Variants in PRELID2 observed in about 807,000 individuals in gnomAD.
The protein encoded by PRELID2 is PRELI domain-containing protein 2.
In PRELID2, 25 loss-of-function variants were observed where a neutral mutation model predicts 28.4. The ratio of observed to expected loss-of-function variants is 0.88; its 90% CI spans 0.64 to 1.23. The LOEUF (loss-of-function observed/expected upper bound fraction) is 1.23, where lower values mean the gene tolerates loss of function less well. Ranked by LOEUF, PRELID2 falls within the 50% of genes most tolerant of loss-of-function variation. The pLI, the probability that PRELID2 is intolerant of heterozygous loss-of-function variation, is 0.00. For synonymous variants in PRELID2, 76 were observed against 71.6 expected (o/e 1.06, Z -0.31); for missense variants, 201 against 214.4 (o/e 0.94, Z 0.39).
the PRELID2 span, among the ~76,000 whole-genome samples, chr5:145,431,196 T>A: frequency 6.6e-6 from 1 of 152,012 alleles, no homozygotes; most frequent in Non-Finnish European, 1.5e-5. Context: ...AATTTCTTTT[T>A]TATCCACTCC....
the PRELID2 span, among the ~76,000 whole-genome samples, chr5:145,426,043 A>T: frequency 6.6e-6 from 1 of 152,012 alleles, no homozygotes; most frequent in Non-Finnish European, 1.5e-5. Context: ...TCTGAATTAA[A>T]CGTGGTGATT....
At chr5:145,426,788 T>G in the PRELID2 span, among the ~76,000 whole-genome samples, 1 of 152,264 alleles carries the variant, frequency 6.6e-6, no homozygotes, top group East Asian at 1.9e-4. Context: ...GAGCTGCAAG[T>G]CCACTGTACC....
At chr5:145,780,594 T>C (rs545035195) in intron 5 of PRELID2, among the ~76,000 whole-genome samples, 2 of 152,294 alleles carry the variant, frequency 1.3e-5, no homozygotes, top group Non-Finnish European at 2.9e-5. Context: ...ATTTAAAACA[T>C]TGTTAAATAA....
At chr5:145,730,903 T>A (rs1041810636) in intron 1 of PRELID2, among the ~76,000 whole-genome samples, 1 of 151,710 alleles carries the variant, frequency 6.6e-6, no homozygotes, top group African/African-American at 2.4e-5. Flanking sequence ...CAAGGCAAAC[T>A]CCCCTCCACC....
At chr5:145,640,125 G>C (rs905720885) in intron 1 of PRELID2, among the ~76,000 whole-genome samples, 2 of 152,114 alleles carry the variant, frequency 1.3e-5, no homozygotes, top group African/African-American at 4.8e-5. Flanking sequence ...AAGATGAAGA[G>C]AGCTGTGATG....
chr5:145,687,980 A>G (rs1755068719), intron 1 of PRELID2, among the ~76,000 whole-genome samples: 1 of 152,226 alleles, frequency 6.6e-6, no homozygotes, highest in Admixed American at 6.5e-5. Context: ...TCTTCATTGC[A>G]TGGTGCAGCC....
chr5:145,467,092 T>C (rs1367121779), downstream of PRELID2, among the ~76,000 whole-genome samples: 1 of 152,160 alleles, frequency 6.6e-6, no homozygotes, highest in East Asian at 1.9e-4. Flanking sequence ...CAGAAGTTTG[T>C]AAAACCCAGG....
chr5:145,631,842 T>A (rs769247267), intron 1 of PRELID2, among the ~76,000 whole-genome samples: 1 of 152,130 alleles, frequency 6.6e-6, no homozygotes, highest in Non-Finnish European at 1.5e-5. Context: ...ACAATGTACA[T>A]TACATACTAG....
chr5:145,305,920 G>A, the PRELID2 span, among the ~76,000 whole-genome samples: 1 of 152,174 alleles, frequency 6.6e-6, no homozygotes, highest in Non-Finnish European at 1.5e-5. Flanking sequence ...CTAATGCAAA[G>A]ATGAATATGC....
chr5:145,825,258 A>AAAAC (rs1755114153), intron 1 of PRELID2, among the ~76,000 whole-genome samples: 1 of 141,842 alleles, frequency 7.1e-6, no homozygotes, highest in African/African-American at 2.8e-5. Context: ...AAAAAAAAAA[A>AAAAC]AACTTGGAAC....
the PRELID2 span, among the ~76,000 whole-genome samples, chr5:145,266,811 T>C: frequency 6.6e-6 from 1 of 151,672 alleles, no homozygotes; most frequent in African/African-American, 2.4e-5. Context: ...AATCAATGAG[T>C]GGATAAATAA....
At chr5:145,627,627 A>G (rs1753871085) in intron 1 of PRELID2, among the ~76,000 whole-genome samples, 1 of 152,090 alleles carries the variant, frequency 6.6e-6, no homozygotes, top group Non-Finnish European at 1.5e-5. Context: ...CCCTACATCA[A>G]CCCTGGACTA....
At chr5:145,557,474 A>G (rs1752889702) in intron 1 of PRELID2, among the ~76,000 whole-genome samples, 1 of 152,196 alleles carries the variant, frequency 6.6e-6, no homozygotes, top group Non-Finnish European at 1.5e-5. Flanking sequence ...CAGGACTACA[A>G]CAAGACTTCT....
intron 1 of PRELID2, among the ~76,000 whole-genome samples, chr5:145,584,842 G>A (rs1465362628): frequency 1.3e-5 from 2 of 152,168 alleles, no homozygotes; most frequent in African/African-American, 4.8e-5. Context: ...TGGTGGAAGT[G>A]TGAATTAGTT....
intron 1 of PRELID2, among the ~76,000 whole-genome samples, chr5:145,577,038 C>A (rs1419018016): frequency 6.6e-6 from 1 of 152,138 alleles, no homozygotes; most frequent in East Asian, 1.9e-4. Flanking sequence ...ACAACAGACA[C>A]AGTGGTTCCA....
the PRELID2 span, among the ~76,000 whole-genome samples, chr5:145,397,143 T>C: frequency 6.6e-6 from 1 of 152,094 alleles, no homozygotes; most frequent in Admixed American, 6.6e-5. Flanking sequence ...ATGGAAGTTA[T>C]TGAGTGGAGA....
At chr5:145,781,738 ATATAC>A (rs1751638924) in intron 5 of PRELID2, among the ~76,000 whole-genome samples, 2 of 146,220 alleles carry the variant, frequency 1.4e-5, no homozygotes, top group Admixed American at 6.9e-5. Flanking sequence ...TATACTATAT[ATATAC>A]TATATCTATA....
intron 1 of PRELID2, among the ~76,000 whole-genome samples, chr5:145,618,744 T>A (rs951184663): frequency 4.6e-5 from 7 of 152,090 alleles, no homozygotes; most frequent in Non-Finnish European, 1.0e-4. Flanking sequence ...CCTAGAACTC[T>A]CAAGTATATA....
intron 1 of PRELID2, among the ~76,000 whole-genome samples, chr5:145,653,964 G>A (rs914548476): frequency 1.3e-5 from 2 of 151,904 alleles, no homozygotes; most frequent in Admixed American, 6.6e-5. Context: ...CCAGGAGCTG[G>A]TTTTTTTAAA....
Sources: allele counts gnomAD v4.1 joint callset (sites outside exome capture counted in the v4.1 genomes callset), GRCh38; gene constraint gnomAD v4.1.1; transcripts MANE v1.5; gene names NCBI Gene and HGNC (gene_info 2026-07-23, HGNC 2026-07-21).